Variants in HIVEP1 observed in about 807,000 individuals in gnomAD.
The protein encoded by HIVEP1 is zinc finger protein 40.
Under a neutral mutation model 180.0 loss-of-function variants are expected in HIVEP1, and 36 were observed. The ratio of observed to expected loss-of-function variants is 0.20; its 90% CI spans 0.15 to 0.26. The LOEUF (loss-of-function observed/expected upper bound fraction) is 0.26, where lower values mean the gene tolerates loss of function less well. HIVEP1 is among the 10% of genes least tolerant of loss of function. HIVEP1 has a pLI of 1.00. For missense variants in HIVEP1, 3,143 were observed against 3,268.7 expected, an observed-to-expected ratio of 0.96 and a Z score of 0.94; for synonymous variants, 1,239 against 1,239.0, an observed-to-expected ratio of 1.00 and a Z score of 0.00.
rs771723347 is a variant in HIVEP1, at chr6:12,120,561, C to A, written c.766C>A (p.Gln256Lys). The A allele has an allele frequency of 2.5e-6, 4 of 1,614,110 alleles. No individual in the cohort carries two copies. The highest frequency in any genetic ancestry group is 1.3e-5 in the African/African-American group (1 of 74,936). ...QTSQELVAESQSSCTSYTVHM... is the reference protein window; with the variant it reads ...QTSQELVAESKSSCTSYTVHM... ...TTCACAGGAATTGGTTGCTGAATCACAGTCTTCTTGTACCTCATACACAGT... is the reference window on the plus strand; with the variant it reads ...TTCACAGGAATTGGTTGCTGAATCAAAGTCTTCTTGTACCTCATACACAGT... Residue 256 changes from glutamine (Q) to lysine (K), a missense_variant, in exon 4 of 9, where the codon CAG (glutamine) becomes AAG (lysine). Gln to Lys is a moderately conservative substitution (Grantham distance 53). Transcript: ENST00000379388.
At chr6:12,007,693 C>G (rs989851531), upstream of HIVEP1, 14 of 151,942 alleles carry the variant, frequency 9.2e-5, no homozygotes, top group Admixed American at 9.2e-4. Flanking sequence ...TATTTCCCTC[C>G]TCTAGAATGC....
the HIVEP1 span, among the ~76,000 whole-genome samples, chr6:12,211,962 T>G: frequency 3.3e-5 from 5 of 152,290 alleles, no homozygotes; most frequent in East Asian, 9.7e-4. Context: ...TAGCAACCAA[T>G]GCTTTCCTTG....
chr6:12,096,162 G>C (rs1773772542), intron 3 of HIVEP1, among the ~76,000 whole-genome samples: 1 of 151,902 alleles, frequency 6.6e-6, no homozygotes, highest in Admixed American at 6.6e-5. Context: ...TTCAGCCCCA[G>C]AACATTTTTA....
the HIVEP1 span, among the ~76,000 whole-genome samples, chr6:12,208,966 G>A: frequency 6.6e-6 from 1 of 152,160 alleles, no homozygotes; most frequent in African/African-American, 2.4e-5. Context: ...CCTACTTCTT[G>A]CCTGTTTTCC....
At chr6:12,192,024 A>G in the HIVEP1 span, among the ~76,000 whole-genome samples, 1 of 152,206 alleles carries the variant, frequency 6.6e-6, no homozygotes, top group African/African-American at 2.4e-5. Context: ...TTGGGCCACT[A>G]GACAATTGCT....
At chr6:12,174,659 C>A in the HIVEP1 span, among the ~76,000 whole-genome samples, 1 of 152,136 alleles carries the variant, frequency 6.6e-6, no homozygotes, top group Non-Finnish European at 1.5e-5. Context: ...ATTTGGAAGA[C>A]ACAACAGATT....
At chr6:12,130,184 G>C (rs1409883057) in intron 5 of HIVEP1, among the ~76,000 whole-genome samples, 1 of 152,194 alleles carries the variant, frequency 6.6e-6, no homozygotes. Flanking sequence ...GAATGACCTA[G>C]AGAATCTGCT....
At chr6:12,100,223 T>C (rs576967152) in intron 3 of HIVEP1, among the ~76,000 whole-genome samples, 156 of 152,320 alleles carry the variant, frequency 1.0e-3, no homozygotes, top group African/African-American at 3.6e-3. Flanking sequence ...TTTAACCTTT[T>C]CTTGCTGATG....
chr6:12,123,040 A>G lies in HIVEP1; in HGVS notation c.3245A>G (p.Gln1082Arg). The G allele has an allele frequency of 6.2e-7, 1 of 1,614,244 alleles. No homozygotes were observed. The highest frequency in any genetic ancestry group is 8.5e-7 in the Non-Finnish European group (1 of 1,180,044). The change falls in exon 4 of 9, where the codon CAG becomes CGG. Residue 1082 changes from glutamine to arginine, a missense_variant. Physicochemically the swap from Gln to Arg is conservative, Grantham distance 43. Transcript: ENST00000379388. The stretch of plus-strand genomic sequence containing the variant: ...AATGTTACCATAAGAAGTGACCAGC[A>G]GCATAAAAATATACAGTTGCAAAAC... Reference protein sequence around the residue: ...KHNVTIRSDQQHKNIQLQNSH... With the variant: ...KHNVTIRSDQRHKNIQLQNSH...
intron 3 of HIVEP1, among the ~76,000 whole-genome samples, chr6:12,104,047 A>C (rs1774260925): frequency 6.6e-6 from 1 of 152,092 alleles, no homozygotes; most frequent in Non-Finnish European, 1.5e-5. Flanking sequence ...CTTTGAAGGT[A>C]ATCTGGCTTT....
At chr6:12,015,048 T>C (rs1767645926) in intron 1 of HIVEP1, among the ~76,000 whole-genome samples, 1 of 152,214 alleles carries the variant, frequency 6.6e-6, no homozygotes, top group African/African-American at 2.4e-5. Flanking sequence ...CACACGTTCC[T>C]GGGAAACACA....
intron 2 of HIVEP1, among the ~76,000 whole-genome samples, chr6:12,017,745 C>T (rs1229510585): frequency 1.3e-5 from 2 of 152,314 alleles, no homozygotes; most frequent in East Asian, 3.9e-4. Flanking sequence ...ATACAGAGTG[C>T]TGATTGGTGT....
chr6:12,200,949 A>G, the HIVEP1 span, among the ~76,000 whole-genome samples: 5 of 152,206 alleles, frequency 3.3e-5, no homozygotes, highest in African/African-American at 1.2e-4. Flanking sequence ...GACCTAAGTC[A>G]TGCCTAGCCC....
At chr6:12,058,870 A>G (rs1235256113) in intron 2 of HIVEP1, among the ~76,000 whole-genome samples, 2 of 152,136 alleles carry the variant, frequency 1.3e-5, no homozygotes, top group Admixed American at 1.3e-4. Context: ...GTACATATGT[A>G]TTGATTTAGT....
At chr6:12,102,478 A>G (rs1774168627) in intron 3 of HIVEP1, among the ~76,000 whole-genome samples, 1 of 143,024 alleles carries the variant, frequency 7.0e-6, no homozygotes, top group Non-Finnish European at 1.5e-5. Context: ...ATTGTCCCTA[A>G]GAGGAGGAGA....
intron 2 of HIVEP1, among the ~76,000 whole-genome samples, chr6:12,036,183 T>A (rs891221062): frequency 9.9e-5 from 15 of 152,212 alleles, no homozygotes; most frequent in African/African-American, 3.6e-4. Flanking sequence ...ATAATTCAGC[T>A]GAAGCAAAAA....
chr6:12,167,701 A>G (rs1760760046), downstream of HIVEP1, among the ~76,000 whole-genome samples: 2 of 113,386 alleles, frequency 1.8e-5, no homozygotes, highest in South Asian at 5.8e-4. Flanking sequence ...ATATACATAT[A>G]TACATATATG....
chr6:12,043,293 A>G (rs1581563192), intron 2 of HIVEP1, among the ~76,000 whole-genome samples: 1 of 150,342 alleles, frequency 6.7e-6, no homozygotes, highest in Non-Finnish European at 1.5e-5. Flanking sequence ...TTTATGTGAT[A>G]TTTATATGCG....
Position 12,059,814 on chromosome 6 carries a change from T to A in HIVEP1, c.41-29370T>A, listed in dbSNP as rs1011515. On this transcript the variant is annotated intron_variant, in intron 2 of 8. Transcript: ENST00000379388. ...AGTGGCCCTCCATGAAAATGCCTCATGTCTCTGTGTCCCTAAACTGTAGGG... is the reference window on the plus strand; with the variant it reads ...AGTGGCCCTCCATGAAAATGCCTCAAGTCTCTGTGTCCCTAAACTGTAGGG... Among the ~76,000 whole-genome samples, 825 of 152,294 alleles carry A rather than the reference T, an allele frequency of 5.4e-3. 8 individuals carry two copies. The highest frequency in any genetic ancestry group is 0.019 in the African/African-American group (775 of 41,566).
Sources: gnomAD v4.1 joint callset for allele counts (sites outside exome capture counted in the v4.1 genomes callset) on GRCh38, gnomAD v4.1.1 for gene constraint, MANE v1.5 for transcripts, NCBI Gene and HGNC (gene_info 2026-07-23, HGNC 2026-07-21) for gene names.